Variants in SHANK2 observed in about 807,000 individuals in gnomAD.
SHANK2 encodes SH3 and multiple ankyrin repeat domains protein 2.
In SHANK2, 43 loss-of-function variants were observed where a neutral mutation model predicts 133.7. That is an observed-to-expected ratio of 0.32 (90% CI 0.25 to 0.41). SHANK2 has a LOEUF of 0.41. Ranked by LOEUF, SHANK2 falls within the 10% of genes least tolerant of loss-of-function variation. The pLI is 1.00. For missense variants in SHANK2, 1,994 were observed against 2,235.8 expected, an observed-to-expected ratio of 0.89 and a Z score of 2.18; for synonymous variants, 1,017 against 952.8, an observed-to-expected ratio of 1.07 and a Z score of -1.24.
chr11:70,494,836 C>T (rs192155330), intron 21 of SHANK2, among the ~76,000 whole-genome samples: 1 of 152,338 alleles, frequency 6.6e-6, no homozygotes, highest in Admixed American at 6.5e-5. Context: ...TCTCTCCCTT[C>T]ATGACCAAGT....
intron 11 of SHANK2, among the ~76,000 whole-genome samples, chr11:70,854,134 A>T (rs1341828703): frequency 6.6e-6 from 1 of 152,196 alleles, no homozygotes; most frequent in Non-Finnish European, 1.5e-5. Context: ...GATGATTTTC[A>T]TATGTACACG....
intron 17 of SHANK2, among the ~76,000 whole-genome samples, chr11:70,533,752 CA>C (rs1283997567): frequency 3.3e-5 from 5 of 152,098 alleles, no homozygotes; most frequent in Admixed American, 1.3e-4. Context: ...CATCCCCCTA[CA>C]AGGAAACCCC....
chr11:70,930,670 C>T (rs10793402), intron 10 of SHANK2, among the ~76,000 whole-genome samples: 102,583 of 119,564 alleles, frequency 0.86, 42,821 homozygotes, highest in South Asian at 0.89. Context: ...TTTTTTTTTT[C>T]TTTTTTTTTT....
chr11:70,818,257 C>T (rs1172551362), intron 12 of SHANK2, among the ~76,000 whole-genome samples: 4 of 152,142 alleles, frequency 2.6e-5, no homozygotes, highest in Non-Finnish European at 4.4e-5. Context: ...CAGGCAAATG[C>T]ACACAGACCA....
At chr11:70,660,673 T>G (rs782332656) in intron 16 of SHANK2, among the ~76,000 whole-genome samples, 13 of 152,136 alleles carry the variant, frequency 8.5e-5, no homozygotes, top group Non-Finnish European at 1.6e-4. Flanking sequence ...GAGATAAAGA[T>G]TCCAGCAGGG....
chr11:71,165,736 G>A (rs1471865680), intron 2 of SHANK2, among the ~76,000 whole-genome samples: 1 of 152,170 alleles, frequency 6.6e-6, no homozygotes, highest in Non-Finnish European at 1.5e-5. Flanking sequence ...GCTCAGCCAA[G>A]GTTGAGAACT....
intron 17 of SHANK2, chr11:70,633,684 C>G (rs533587952): frequency 6.6e-6 from 1 of 152,310 alleles, no homozygotes; most frequent in Non-Finnish European, 1.5e-5. Flanking sequence ...TCTGCAGGGC[C>G]CACCCCAGAG....
intron 17 of SHANK2, among the ~76,000 whole-genome samples, chr11:70,578,322 G>A (rs2060142255): frequency 6.6e-6 from 1 of 152,214 alleles, no homozygotes; most frequent in African/African-American, 2.4e-5. Context: ...CAGGAGGAAC[G>A]CAGATTGCTT....
chr11:71,117,578 A>G (rs1555100600), intron 4 of SHANK2, among the ~76,000 whole-genome samples: 1 of 148,198 alleles, frequency 6.7e-6, no homozygotes, highest in Non-Finnish European at 1.5e-5. Flanking sequence ...GGCAGGATGG[A>G]GTCCAATCAC....
intron 15 of SHANK2, among the ~76,000 whole-genome samples, chr11:70,663,935 C>A (rs1232482976): frequency 6.6e-6 from 1 of 152,196 alleles, no homozygotes; most frequent in African/African-American, 2.4e-5. Flanking sequence ...TGGGTAAGAA[C>A]AAACCTACAG....
At chr11:70,590,754 T>C (rs1182302212) in intron 17 of SHANK2, among the ~76,000 whole-genome samples, 2 of 151,792 alleles carry the variant, frequency 1.3e-5, no homozygotes, top group African/African-American at 4.9e-5. Flanking sequence ...ATAACTTTTC[T>C]ATGCACTGGG....
intron 10 of SHANK2, among the ~76,000 whole-genome samples, chr11:70,939,370 C>A (rs981139808): frequency 6.6e-6 from 1 of 152,032 alleles, no homozygotes; most frequent in Admixed American, 6.6e-5. Flanking sequence ...CCCAGCTACT[C>A]GGGAGGCTGA....
intron 10 of SHANK2, among the ~76,000 whole-genome samples, chr11:70,921,394 G>A (rs144376108): frequency 7.5e-4 from 114 of 152,330 alleles, no homozygotes; most frequent in East Asian, 2.3e-3. Flanking sequence ...GCCAAGAGCC[G>A]ATTCCTGCTA....
At chr11:71,099,882 C>T (rs1951689278) in intron 6 of SHANK2, among the ~76,000 whole-genome samples, 1 of 151,960 alleles carries the variant, frequency 6.6e-6, no homozygotes, top group Admixed American at 6.6e-5. Context: ...GGCCTCACCT[C>T]TACTAAAAAT....
chr11:70,701,965 A>G (rs1408735443), intron 14 of SHANK2, among the ~76,000 whole-genome samples: 4 of 151,290 alleles, frequency 2.6e-5, no homozygotes, highest in Non-Finnish European at 4.4e-5. Flanking sequence ...CACCATCACC[A>G]TAATTACTGC....
At chr11:71,097,600 A>T (rs1419724105) in intron 6 of SHANK2, among the ~76,000 whole-genome samples, 1 of 152,216 alleles carries the variant, frequency 6.6e-6, no homozygotes, top group Non-Finnish European at 1.5e-5. Flanking sequence ...CAGACCCTCC[A>T]ACTAGAGGCT....
chr11:70,537,160 G>T (rs2059554958), intron 17 of SHANK2, among the ~76,000 whole-genome samples: 1 of 152,144 alleles, frequency 6.6e-6, no homozygotes, highest in Non-Finnish European at 1.5e-5. Flanking sequence ...CCCTCTCAGA[G>T]TCCCCTGCAG....
rs561136797 is a variant in SHANK2 at position 70,709,422 on chromosome 11, C to A, written c.1778-10659G>T. Among the ~76,000 whole-genome samples, 42 of 152,296 alleles carry A rather than the reference C, an allele frequency of 2.8e-4. 1 individual carries two copies. Among genetic ancestry groups the A allele is most frequent in the African/African-American group, 9.6e-4 (40 of 41,572 alleles). ...ATGCTGGCTATTGCCAAGTCTCCTG[C>A]TGGGAATAGGGAGCAGGGGAGAACC... On this transcript the variant is annotated intron_variant, in intron 14 of 25. Coordinates refer to ENST00000601538, the MANE Select transcript of SHANK2 (RefSeq NM_012309.5).
chr11:71,223,918 G>C (rs1240800783), intron 2 of SHANK2, among the ~76,000 whole-genome samples: 3 of 152,120 alleles, frequency 2.0e-5, no homozygotes, highest in African/African-American at 7.2e-5. Context: ...GAAGGATTGA[G>C]AAATTGCCCA....
Sources: gnomAD v4.1 joint callset for allele counts (sites outside exome capture counted in the v4.1 genomes callset) on GRCh38, gnomAD v4.1.1 for gene constraint, MANE v1.5 for transcripts, NCBI Gene and HGNC (gene_info 2026-07-23, HGNC 2026-07-21) for gene names.